Variants in F2R observed in about 807,000 individuals in gnomAD.
F2R encodes proteinase-activated receptor 1.
A neutral mutation model predicts 18.3 loss-of-function variants in F2R; 12 were observed. That is an observed-to-expected ratio of 0.66 (90% CI 0.42 to 1.06). F2R has a LOEUF of 1.06. F2R is among the 50% of genes least tolerant of loss of function. F2R has a pLI of 0.00. For synonymous variants in F2R, 210 were observed against 219.9 expected (o/e 0.95, Z 0.40); for missense variants, 438 against 530.8 (o/e 0.83, Z 1.72).
intron 1 of F2R, among the ~76,000 whole-genome samples, chr5:76,731,100 C>T (rs1332912498): frequency 6.6e-6 from 1 of 152,120 alleles, no homozygotes; most frequent in African/African-American, 2.4e-5. Context: ...CTGACCTGCT[C>T]AGGAAAGAAG....
At chr5:76,730,074 A>G (rs967085555) in intron 1 of F2R, among the ~76,000 whole-genome samples, 1 of 152,208 alleles carries the variant, frequency 6.6e-6, no homozygotes, top group Non-Finnish European at 1.5e-5. Context: ...TACAGGAAAA[A>G]AGACTCTGGA....
At chr5:76,731,930 G>A (rs555456816) in intron 1 of F2R, among the ~76,000 whole-genome samples, 6 of 152,282 alleles carry the variant, frequency 3.9e-5, no homozygotes, top group South Asian at 2.1e-4. Flanking sequence ...GAAGGTATGC[G>A]GAGGAAAGAG....
intron 1 of F2R, among the ~76,000 whole-genome samples, chr5:76,731,475 GA>G (rs1273714040): frequency 2.8e-5 from 4 of 143,786 alleles, no homozygotes; most frequent in South Asian, 2.2e-4. Flanking sequence ...CTGTGTCTCA[GA>G]AAAAAAAAGA....
At chr5:76,718,589 G>A (rs1488940294) in intron 1 of F2R, among the ~76,000 whole-genome samples, 2 of 152,286 alleles carry the variant, frequency 1.3e-5, no homozygotes, top group East Asian at 3.9e-4. Flanking sequence ...TTCCTGCCTT[G>A]TCACTTTGTG....
In F2R at chr5:76,733,498, A is replaced by T; in HGVS notation, c.1273A>T (p.Thr425Ser). The change falls in exon 2 of 2, where the codon ACT becomes TCT. Residue 425 changes from threonine to serine, a missense_variant. Transcript: ENST00000319211. ...LNNSIYKKLL[T>S] ...TAACAGCATATACAAAAAGCTGTTA[A>T]CTTAGGAAAAGGGACTGCTGGGAGG... The T allele has an allele frequency of 6.2e-7, 1 of 1,605,030 alleles. No homozygotes were observed. Among genetic ancestry groups the T allele is most frequent in the Non-Finnish European group, 8.5e-7 (1 of 1,176,146 alleles).
At position 76,732,604 on chromosome 5, in the gene F2R, T is replaced by C; in HGVS notation, c.379T>C (p.Phe127Leu). The change falls in exon 2 of 2, where the codon TTC becomes CTC. Residue 127 changes from phenylalanine (F) to leucine (L), a missense_variant. Coordinates refer to ENST00000319211, the MANE Select transcript of F2R (RefSeq NM_001992.5). ...ACTAAACATCATGGCCATCGTTGTG[T>C]TCATCCTGAAAATGAAGGTCAAGAA... ...LPLNIMAIVVFILKMKVKKPA... is the reference protein window; with the variant it reads ...LPLNIMAIVVLILKMKVKKPA... The C allele has an allele frequency of 1.2e-6, 2 of 1,614,182 alleles. No individual in the cohort carries two copies. The highest frequency in any genetic ancestry group is 8.5e-7 in the Non-Finnish European group (1 of 1,180,030).
intron 1 of F2R, chr5:76,716,872 A>G (rs1748356412): frequency 2.0e-6 from 1 of 510,956 alleles, no homozygotes; most frequent in East Asian, 3.4e-5. Flanking sequence ...TGATGTAGAG[A>G]AAAGCCCAGG....
At chr5:76,727,362 A>G (rs1748581550) in intron 1 of F2R, among the ~76,000 whole-genome samples, 1 of 152,262 alleles carries the variant, frequency 6.6e-6, no homozygotes, top group Non-Finnish European at 1.5e-5. Flanking sequence ...AACAGAGTCA[A>G]TATTAGAATA....
chr5:76,725,187 C>T (rs1006190043), intron 1 of F2R, among the ~76,000 whole-genome samples: 3 of 152,172 alleles, frequency 2.0e-5, no homozygotes, highest in Non-Finnish European at 4.4e-5. Context: ...TCTAGTCACC[C>T]CTCTGCTTCC....
chr5:76,735,609 T>C lies in F2R; in HGVS notation c.*2106T>C, dbSNP rs2150584990. 1 of 152,362 alleles carries C rather than the reference T, an allele frequency of 6.6e-6. No individual in the cohort carries two copies. 9.4% of individuals were successfully genotyped at this position (152,362 alleles called of 1,614,324 possible). A position where few individuals can be genotyped will look rare whatever the true frequency, so the allele number is the denominator to read the frequency against. Reference sequence around the variant, plus strand: ...ACTGGTTTTATTAATTTAGTGACTATTCATTTTATCTAAATCAGTGAAGAT... The same window carrying C: ...ACTGGTTTTATTAATTTAGTGACTACTCATTTTATCTAAATCAGTGAAGAT... On this transcript the variant is annotated 3_prime_UTR_variant, in exon 2 of 2. Coordinates refer to ENST00000319211, the MANE Select transcript of F2R (RefSeq NM_001992.5).
In F2R at chr5:76,732,453, A is replaced by T; in HGVS notation, c.228A>T (p.Lys76Asn). ...AATACAGATTAGTCTCCATCAATAA[A>T]AGCAGTCCTCTTCAAAAACAACTTC... ...LTEYRLVSIN[K>N]SSPLQKQLPA... Residue 76 changes from lysine to asparagine, a missense_variant, in exon 2 of 2, where the codon AAA becomes AAT. Transcript: ENST00000319211. The T allele has an allele frequency of 6.2e-7, 1 of 1,614,180 alleles. No homozygotes were observed. The highest frequency in any genetic ancestry group is 1.1e-5 in the South Asian group (1 of 91,082).
Position 76,732,465 on chromosome 5 carries a change from T to G in F2R, c.240T>G (p.Leu80=). The change falls in exon 2 of 2, where the codon CTT becomes CTG. Residue 80 remains leucine (L), a synonymous_variant. Coordinates refer to ENST00000319211, the MANE Select transcript of F2R (RefSeq NM_001992.5). The stretch of plus-strand genomic sequence containing the variant: ...TCTCCATCAATAAAAGCAGTCCTCT[T>G]CAAAAACAACTTCCTGCATTCATCT... ...RLVSINKSSP[L]QKQLPAFISE... is the part of the protein sequence containing the mutation. The G allele has an allele frequency of 6.2e-7, 1 of 1,614,130 alleles. No individual in the cohort carries two copies. Among genetic ancestry groups the G allele is most frequent in the Admixed American group, 1.7e-5 (1 of 60,010 alleles).
chr5:76,731,406 G>A (rs896856755), intron 1 of F2R, among the ~76,000 whole-genome samples: 8 of 151,996 alleles, frequency 5.3e-5, no homozygotes, highest in African/African-American at 7.2e-5. Context: ...CCCCGGAGGC[G>A]GAGGTTGCGG....
Position 76,732,719 on chromosome 5 carries a change from G to A in F2R, c.494G>A (p.Gly165Asp). Residue 165 changes from glycine to aspartate, a missense_variant, in exon 2 of 2, where the codon GGC (glycine) becomes GAC (aspartate). Physicochemically the swap from Gly to Asp is moderately conservative, Grantham distance 94. Coordinates refer to ENST00000319211, the MANE Select transcript of F2R (RefSeq NM_001992.5). ...LPFKISYYFS[G>D]SDWQFGSELC... is the part of the protein sequence containing the mutation. ...TTTAAGATCAGCTATTACTTTTCCG[G>A]CAGTGATTGGCAGTTTGGGTCTGAA... 2 of 1,614,176 alleles carry A rather than the reference G, an allele frequency of 1.2e-6. No homozygotes were observed. The highest frequency in any genetic ancestry group is 1.7e-6 in the Non-Finnish European group (2 of 1,180,036).
intron 1 of F2R, among the ~76,000 whole-genome samples, chr5:76,719,554 A>C (rs1043086847): frequency 2.6e-5 from 4 of 151,496 alleles, no homozygotes; most frequent in African/African-American, 9.7e-5. Context: ...GTGCCACTGC[A>C]CTCCAGTCTG....
chr5:76,722,312 A>G (rs1204926964), intron 1 of F2R, among the ~76,000 whole-genome samples: 1 of 152,224 alleles, frequency 6.6e-6, no homozygotes, highest in Non-Finnish European at 1.5e-5. Flanking sequence ...CCCAAGACAG[A>G]GAGCTCAGGA....
At chr5:76,722,455 C>T (rs1227483127) in intron 1 of F2R, among the ~76,000 whole-genome samples, 1 of 152,216 alleles carries the variant, frequency 6.6e-6, no homozygotes, top group African/African-American at 2.4e-5. Context: ...CAAGCAAGAG[C>T]CCACACACTT....
intron 1 of F2R, among the ~76,000 whole-genome samples, chr5:76,731,585 A>T (rs993754706): frequency 1.3e-5 from 2 of 149,412 alleles, no homozygotes; most frequent in African/African-American, 2.5e-5. Flanking sequence ...GTTGGAGTGC[A>T]GTGGTGTGAT....
chr5:76,719,317 C>T (rs2227755), intron 1 of F2R, among the ~76,000 whole-genome samples: 2,749 of 152,236 alleles, frequency 0.018, 76 homozygotes, highest in African/African-American at 0.061. Context: ...GGACTGGGTG[C>T]GGTGGCTCAT....
Sources: gnomAD v4.1 joint callset for allele counts (sites outside exome capture counted in the v4.1 genomes callset) on GRCh38, gnomAD v4.1.1 for gene constraint, MANE v1.5 for transcripts, NCBI Gene and HGNC (gene_info 2026-07-23, HGNC 2026-07-21) for gene names.